OTOP1: variants seen among roughly 807,000 people sequenced by gnomAD.
OTOP1 encodes the protein proton channel OTOP1.
A neutral mutation model predicts 52.9 loss-of-function variants in OTOP1; 59 were observed. The observed-to-expected ratio is 1.12, with a 90% CI of 0.91 to 1.39. The LOEUF (loss-of-function observed/expected upper bound fraction) is 1.39, where lower values mean the gene tolerates loss of function less well. Among genes scored for constraint, OTOP1 ranks in the 40% most tolerant of loss-of-function variants. The pLI is 0.00. For synonymous variants in OTOP1, 317 were observed against 337.7 expected, an observed-to-expected ratio of 0.94 and a Z score of 0.67; for missense variants, 761 against 800.9, an observed-to-expected ratio of 0.95 and a Z score of 0.60.
At chr4:4,196,921 A>G (rs1281598796) in intron 5 of OTOP1, among the ~76,000 whole-genome samples, 1 of 152,156 alleles carries the variant, frequency 6.6e-6, no homozygotes, top group Non-Finnish European at 1.5e-5. Context: ...TTGGGTACTC[A>G]TGAACACAAA....
chr4:4,197,143 AAG>A (rs1219962738), intron 5 of OTOP1, 21 bp downstream of exon 5: 2 of 1,560,254 alleles, frequency 1.3e-6, no homozygotes, highest in African/African-American at 2.7e-5. Context: ...TTAAAAGAAT[AAG>A]AATAACTTGG....
chr4:4,197,543 G>A lies in OTOP1; in HGVS notation c.1291C>T (p.Leu431=), dbSNP rs1426154733. The change falls in exon 5 of 6, where the codon CTG becomes TTG. Residue 431 remains leucine, a synonymous_variant. Transcript: ENST00000296358. The part of the protein sequence containing the change: ...YTWYNLPYSI[L]AIVEKYIQNL... ...TGGATGTACTTCTCCACGATCGCCA[G>A]GATGGAGTAGGGCAGGTTGTACCAG... The A allele has an allele frequency of 6.2e-7, 1 of 1,614,036 alleles. No individual in the cohort carries two copies. The highest frequency in any genetic ancestry group is 1.3e-5 in the African/African-American group (1 of 74,904).
intron 5 of OTOP1, among the ~76,000 whole-genome samples, chr4:4,192,707 G>A (rs923507736): frequency 6.6e-6 from 1 of 152,130 alleles, no homozygotes; most frequent in African/African-American, 2.4e-5. Context: ...TGAAGGCAGG[G>A]GTCACACTTG....
In OTOP1 at chr4:4,226,743, G is replaced by T. The variant is rs762683084; in HGVS notation, c.122C>A (p.Ser41Tyr). ...CACACCGCCCCGCCGGGGGGCCGGGGATTCCGGGGACCTCGGGGCCGAGGA... is the reference window on the plus strand; with the variant it reads ...CACACCGCCCCGCCGGGGGGCCGGGTATTCCGGGGACCTCGGGGCCGAGGA... ...PSSSAPRSPE[S>Y]PAPRRGGVRA... The change falls in exon 1 of 6, where the codon TCC becomes TAC. Residue 41 changes from serine (S) to tyrosine (Y), a missense_variant. Transcript: ENST00000296358. 1.1e-5 allele frequency: 15 copies of T among 1,395,696 alleles called. No homozygotes were observed. The East Asian group carries it at 3.3e-4, about 31-fold the overall frequency. 86.5% of individuals were successfully genotyped at this position (1,395,696 alleles called of 1,614,324 possible). A position where few individuals can be genotyped will look rare whatever the true frequency, so the allele number is the denominator to read the frequency against.
chr4:4,219,998 T>TAC, intron 1 of OTOP1, among the ~76,000 whole-genome samples: 1 of 54,564 alleles, frequency 1.8e-5, no homozygotes, highest in African/African-American at 1.3e-4. Context: ...TATAGGTGTA[T>TAC]ATACATATAT....
chr4:4,213,823 C>T (rs1355031780), intron 1 of OTOP1, among the ~76,000 whole-genome samples: 2 of 152,140 alleles, frequency 1.3e-5, no homozygotes, highest in Non-Finnish European at 1.5e-5. Flanking sequence ...GGCACAGTGG[C>T]TCATACCTGT....
chr4:4,223,626 G>A lies in OTOP1; in HGVS notation c.403+2836C>T, dbSNP rs181163887. Among the ~76,000 whole-genome samples the A allele has an allele frequency of 3.8e-3, 581 of 152,210 alleles. 1 individual carries two copies. The highest frequency in any genetic ancestry group is 6.8e-3 in the Middle Eastern group (2 of 294). On this transcript the variant is annotated intron_variant, in intron 1 of 5. Coordinates refer to ENST00000296358, the MANE Select transcript of OTOP1 (RefSeq NM_177998.3). ...ACATTCTAAATGCACCAGGCCGGGCGTGGTGGCCCATGCCTGTAATCTCAG... is the reference window on the plus strand; with the variant it reads ...ACATTCTAAATGCACCAGGCCGGGCATGGTGGCCCATGCCTGTAATCTCAG...
At chr4:4,193,787 A>T (rs975332423) in intron 5 of OTOP1, among the ~76,000 whole-genome samples, 1 of 152,228 alleles carries the variant, frequency 6.6e-6, no homozygotes, top group Non-Finnish European at 1.5e-5. Context: ...TATTTCGGAC[A>T]GTGCTATCTT....
intron 4 of OTOP1, among the ~76,000 whole-genome samples, chr4:4,200,427 G>C (rs986497234): frequency 6.8e-6 from 1 of 147,494 alleles, no homozygotes; most frequent in African/African-American, 2.5e-5. Context: ...AGTGATCCGA[G>C]ACCATGCCAC....
At chr4:4,204,382 T>C (rs1487449093) in intron 3 of OTOP1, among the ~76,000 whole-genome samples, 2 of 152,186 alleles carry the variant, frequency 1.3e-5, no homozygotes, top group Non-Finnish European at 2.9e-5. Flanking sequence ...TGCCTCATAC[T>C]GGCTGGCTTT....
intron 2 of OTOP1, among the ~76,000 whole-genome samples, chr4:4,209,018 T>C (rs1716969993): frequency 1.3e-5 from 2 of 152,216 alleles, no homozygotes; most frequent in East Asian, 1.9e-4. Context: ...TTGGTGGAGA[T>C]GCCAGTGCTG....
chr4:4,216,388 G>A (rs1160334616), intron 1 of OTOP1, among the ~76,000 whole-genome samples: 1 of 152,180 alleles, frequency 6.6e-6, no homozygotes, highest in African/African-American at 2.4e-5. Context: ...TCTCTCCTGG[G>A]CTAGCATTGA....
At position 4,223,261 on chromosome 4, in the gene OTOP1, C is replaced by T. The variant is rs1234439844; in HGVS notation, c.403+3201G>A. ...TGTAACATGTCATTGGTTTTGTGTC[C>T]CCACCCTGCTCTTCCCTTTGGCTTC... On this transcript the variant is annotated intron_variant, in intron 1 of 5. Coordinates refer to ENST00000296358, the MANE Select transcript of OTOP1 (RefSeq NM_177998.3). Among the ~76,000 whole-genome samples the T allele has an allele frequency of 2.6e-5, 4 of 152,118 alleles. No individual in the cohort carries two copies. In the East Asian group the frequency reaches 7.7e-4, roughly 29 times the overall value.
chr4:4,208,780 TAAAA>T (rs34906027), intron 2 of OTOP1, among the ~76,000 whole-genome samples: 3 of 146,188 alleles, frequency 2.1e-5, no homozygotes, highest in Non-Finnish European at 1.5e-5. Flanking sequence ...ATTGTCAAAC[TAAAA>T]AAAAAAAAAG....
intron 1 of OTOP1, 46 bp from the exon 2 acceptor site, chr4:4,213,050 A>C (rs1264543730): frequency 6.3e-7 from 1 of 1,592,258 alleles, no homozygotes; most frequent in East Asian, 2.2e-5. Context: ...ACATTGCATT[A>C]ACATACATTG....
rs1315795168 is a variant in OTOP1, at chr4:4,197,245, A to G, written c.1589T>C (p.Leu530Pro). Residue 530 changes from leucine (L) to proline (P), a missense_variant, in exon 5 of 6, where the codon CTT (leucine) becomes CCT (proline). Leu to Pro is a moderately conservative substitution (Grantham distance 98, BLOSUM62 -3). Transcript: ENST00000296358. The part of the protein sequence containing the change: ...SWGGSPSPVR[L>P]PRFLQGNAKR... ...GGCGTTGCCCTGTAAGAAACGGGGA[A>G]GGCGGACTGGGCTTGGGCTCCCTCC... 1.2e-6 allele frequency: 2 copies of G among 1,614,062 alleles called. No individual in the cohort carries two copies. Among genetic ancestry groups the G allele is most frequent in the East Asian group, 2.2e-5 (1 of 44,904 alleles).
chr4:4,197,033 T>C, intron 5 of OTOP1, 133 bp downstream of exon 5: 1 of 978,124 alleles, frequency 1.0e-6, no homozygotes, highest in Non-Finnish European at 1.5e-6. Context: ...ACCTGGGTGA[T>C]GGGATCATTT....
intron 5 of OTOP1, among the ~76,000 whole-genome samples, chr4:4,196,148 G>C (rs1175159829): frequency 1.3e-5 from 2 of 152,232 alleles, no homozygotes; most frequent in African/African-American, 4.8e-5. Context: ...GGACGGTACA[G>C]TGGTTCACAT....
At position 4,226,451 on chromosome 4, in the gene OTOP1, C is replaced by A. The variant is rs1717435029; in HGVS notation, c.403+11G>T. 3 of 1,457,068 alleles carry A rather than the reference C, an allele frequency of 2.1e-6. No homozygotes were observed. In the African/African-American group the frequency reaches 4.4e-5, roughly 21 times the overall value. The allele number at this position is 1,457,068 out of a possible 1,614,324, so 90.3% of individuals were successfully genotyped here. The stretch of plus-strand genomic sequence containing the variant: ...GAGGCGGAGACCCGCTCGCCCGGCG[C>A]CTGGACTCACCGCGCAGCCAGCCGG... On this transcript the variant is annotated intron_variant, in intron 1 of 5. Coordinates refer to ENST00000296358, the MANE Select transcript of OTOP1 (RefSeq NM_177998.3).
Sources: gnomAD v4.1 joint callset for allele counts (sites outside exome capture counted in the v4.1 genomes callset) on GRCh38, gnomAD v4.1.1 for gene constraint, MANE v1.5 for transcripts, NCBI Gene and HGNC (gene_info 2026-07-23, HGNC 2026-07-21) for gene names.